GMDS: variants seen among roughly 807,000 people sequenced by gnomAD.
The protein encoded by GMDS is GDP-mannose 4,6 dehydratase.
Under a neutral mutation model 49.9 loss-of-function variants are expected in GMDS, and 20 were observed. The ratio of observed to expected loss-of-function variants is 0.40; its 90% CI spans 0.28 to 0.58. The LOEUF (loss-of-function observed/expected upper bound fraction) is 0.58, where lower values mean the gene tolerates loss of function less well. Ranked by LOEUF, GMDS falls within the 20% of genes least tolerant of loss-of-function variation. The probability of loss-of-function intolerance (pLI) is 0.42; values close to 1 mark genes in which losing one functional copy is unlikely to be tolerated. For synonymous variants in GMDS, 177 were observed against 178.6 expected, an observed-to-expected ratio of 0.99 and a Z score of 0.07; for missense variants, 362 against 481.4, an observed-to-expected ratio of 0.75 and a Z score of 2.32.
At chr6:2,117,634 TG>T in intron 2 of GMDS, 78 bp from the exon 3 acceptor site, 1 of 777,912 alleles carries the variant, frequency 1.3e-6, no homozygotes, top group Non-Finnish European at 2.3e-6. Context: ...TTTAGCTTTA[TG>T]AAAAAAATGA....
At chr6:1,923,619 C>T (rs182321777) in intron 7 of GMDS, among the ~76,000 whole-genome samples, 104 of 152,224 alleles carry the variant, frequency 6.8e-4, no homozygotes, top group African/African-American at 2.4e-3. Flanking sequence ...AGCAGCCAGC[C>T]GGATCCCGCA....
At chr6:2,113,171 T>C (rs980392635) in intron 4 of GMDS, among the ~76,000 whole-genome samples, 2 of 152,060 alleles carry the variant, frequency 1.3e-5, no homozygotes, top group Non-Finnish European at 2.9e-5. Context: ...TTTCTAGTAC[T>C]GGTTCTATTG....
At chr6:1,800,019 A>G (rs894118934) in intron 7 of GMDS, among the ~76,000 whole-genome samples, 16 of 152,188 alleles carry the variant, frequency 1.1e-4, no homozygotes, top group Admixed American at 9.8e-4. Flanking sequence ...TCAGTGATTC[A>G]GAGCTTTGCA....
At chr6:2,232,136 C>T (rs1329255399) in intron 1 of GMDS, among the ~76,000 whole-genome samples, 1 of 138,250 alleles carries the variant, frequency 7.2e-6, no homozygotes, top group African/African-American at 2.9e-5. Flanking sequence ...GTTCTTCTTA[C>T]ATTTTGGTGT....
At chr6:1,807,537 G>C (rs1770231692) in intron 7 of GMDS, among the ~76,000 whole-genome samples, 1 of 152,152 alleles carries the variant, frequency 6.6e-6, no homozygotes, top group South Asian at 2.1e-4. Context: ...TTTCACCCTT[G>C]TTTTGACAAT....
At chr6:1,913,993 T>C (rs895316365) in intron 7 of GMDS, among the ~76,000 whole-genome samples, 1 of 152,150 alleles carries the variant, frequency 6.6e-6, no homozygotes, top group Non-Finnish European at 1.5e-5. Flanking sequence ...ATCCATCCTA[T>C]AGATCTTTCT....
Position 1,722,062 on chromosome 6 carries a change from CTTTTTTTT to C in GMDS, c.987+4346_987+4353del, listed in dbSNP as rs11356149. 5.0e-5 allele frequency among the ~76,000 whole-genome samples: 4 copies of C among 80,232 alleles called. No individual in the cohort carries two copies. The East Asian group carries it at 1.3e-3, about 25-fold the overall frequency. The allele number at this position is 80,232 out of a possible 152,430, so 52.6% of individuals were successfully genotyped here. A position where few individuals can be genotyped will look rare whatever the true frequency, so the allele number is the denominator to read the frequency against. ...TGGACTCCAGGAACTGCTATCACGT[CTTTTTTTT>C]TTTTTTTTTTTTTTGAGATGGAATC... On this transcript the variant is annotated intron_variant, in intron 9 of 10. Transcript: ENST00000380815.
chr6:1,638,624 C>T (rs926856774), intron 9 of GMDS, among the ~76,000 whole-genome samples: 2 of 150,408 alleles, frequency 1.3e-5, no homozygotes, highest in Admixed American at 1.3e-4. Flanking sequence ...TGGCAAGGAA[C>T]ACTCAGAGCC....
intron 9 of GMDS, among the ~76,000 whole-genome samples, chr6:1,647,843 G>A (rs997087025): frequency 2.6e-5 from 4 of 152,164 alleles, no homozygotes; most frequent in Admixed American, 6.5e-5. Context: ...CGGACCTACC[G>A]ACACTGTACT....
At chr6:1,970,930 T>C (rs926544084) in intron 4 of GMDS, among the ~76,000 whole-genome samples, 2 of 146,486 alleles carry the variant, frequency 1.4e-5, no homozygotes, top group Admixed American at 7.0e-5. Context: ...CATACCTGCA[T>C]GTCCTACACA....
chr6:1,638,640 A>G (rs549806990), intron 9 of GMDS, among the ~76,000 whole-genome samples: 80 of 152,138 alleles, frequency 5.3e-4, no homozygotes, highest in South Asian at 1.0e-3. Flanking sequence ...GAGCCACCTG[A>G]CATGGGAACT....
chr6:2,180,168 A>G (rs1778455724), intron 1 of GMDS, among the ~76,000 whole-genome samples: 2 of 152,242 alleles, frequency 1.3e-5, no homozygotes, highest in Admixed American at 1.3e-4. Flanking sequence ...CCATAGGCAT[A>G]GACACCAGAG....
intron 7 of GMDS, among the ~76,000 whole-genome samples, chr6:1,760,112 G>A (rs1346552858): frequency 6.6e-6 from 1 of 152,186 alleles, no homozygotes; most frequent in Admixed American, 6.5e-5. Flanking sequence ...GTGGGAAAGG[G>A]AGCCCACGAG....
chr6:1,708,723 G>A (rs777034999), intron 9 of GMDS, among the ~76,000 whole-genome samples: 11 of 152,220 alleles, frequency 7.2e-5, no homozygotes, highest in African/African-American at 1.9e-4. Context: ...TGAGCGCCGG[G>A]GGCCTCTGGG....
intron 1 of GMDS, among the ~76,000 whole-genome samples, chr6:2,207,950 T>C (rs536011926): frequency 4.6e-5 from 7 of 151,924 alleles, no homozygotes; most frequent in Non-Finnish European, 1.0e-4. Context: ...GCCAAGTTAG[T>C]AGCTTTTTCC....
At chr6:1,888,556 T>C (rs1367350649) in intron 7 of GMDS, among the ~76,000 whole-genome samples, 3 of 152,114 alleles carry the variant, frequency 2.0e-5, no homozygotes, top group Non-Finnish European at 2.9e-5. Flanking sequence ...AAGATGAGAT[T>C]TGGGTGGGAA....
At position 2,191,548 on chromosome 6, in the gene GMDS, G is replaced by C. The variant is rs578239502; in HGVS notation, c.102+53773C>G. Reference sequence around the variant, plus strand: ...GCCCCCGCCTTGCCCTTGCAGGCTCGGAGGTGCCTACCTCCACTGTCTGGC... The same window carrying C: ...GCCCCCGCCTTGCCCTTGCAGGCTCCGAGGTGCCTACCTCCACTGTCTGGC... On this transcript the variant is annotated intron_variant, in intron 1 of 10. Transcript: ENST00000380815. This position sits in a 1 kb window ranked among gnomAD's most constrained non-coding sequence, Gnocchi z 4.6. 6.6e-6 allele frequency among the ~76,000 whole-genome samples: 1 copy of C among 152,190 alleles called. No individual in the cohort carries two copies. The highest frequency in any genetic ancestry group is 1.5e-5 in the Non-Finnish European group (1 of 68,014).
Position 1,893,179 on chromosome 6 carries a change from T to C in GMDS, c.771+36924A>G, listed in dbSNP as rs1367980028. Among the ~76,000 whole-genome samples, 4 of 148,710 alleles carry C rather than the reference T, an allele frequency of 2.7e-5. 1 individual carries two copies. Among genetic ancestry groups the C allele is most frequent in the Admixed American group, 2.0e-4 (3 of 14,844 alleles). ...GCAGAGAACAACAGTTTCTCATCTC[T>C]GGTTTTTTGTTTTCTTTTTTTTTTT... On this transcript the variant is annotated intron_variant, in intron 7 of 10. Coordinates refer to ENST00000380815, the MANE Select transcript of GMDS (RefSeq NM_001500.4).
chr6:2,150,638 C>T (rs1776796629), intron 1 of GMDS, among the ~76,000 whole-genome samples: 1 of 152,084 alleles, frequency 6.6e-6, no homozygotes, highest in African/African-American at 2.4e-5. Flanking sequence ...TTATTTCCAC[C>T]TATAAGAAGC....
Sources: gnomAD v4.1 joint callset for allele counts (sites outside exome capture counted in the v4.1 genomes callset) on GRCh38, gnomAD v4.1.1 for gene constraint, Gnocchi (gnomAD v3.1) non-coding constraint, MANE v1.5 for transcripts, NCBI Gene and HGNC (gene_info 2026-07-23, HGNC 2026-07-21) for gene names.